Variants in MAPK13 observed in about 807,000 individuals in gnomAD.
MAPK13 encodes the protein mitogen-activated protein kinase 13.
A neutral mutation model predicts 53.5 loss-of-function variants in MAPK13; 39 were observed. The ratio of observed to expected loss-of-function variants is 0.73; its 90% CI spans 0.56 to 0.95. MAPK13 has a LOEUF of 0.95. MAPK13 is among the 40% of genes least tolerant of loss of function. The pLI is 0.00. For missense variants in MAPK13, 460 were observed against 471.8 expected, an observed-to-expected ratio of 0.98 and a Z score of 0.23; for synonymous variants, 179 against 190.9, an observed-to-expected ratio of 0.94 and a Z score of 0.51.
At chr6:36,139,236 G>T (rs1332113015) in intron 11 of MAPK13, 58 bp from the exon 12 acceptor site, 2 of 1,530,120 alleles carry the variant, frequency 1.3e-6, no homozygotes, top group East Asian at 2.3e-5. Flanking sequence ...CTGAAGGGGG[G>T]TGGACTTTCT....
intron 5 of MAPK13, 36 bp downstream of exon 5, chr6:36,136,084 CT>C (rs1230323436): frequency 1.2e-6 from 2 of 1,613,426 alleles, no homozygotes; most frequent in South Asian, 2.2e-5. Context: ...TCAGAGGCCC[CT>C]GTCCCATCCC....
chr6:36,131,258 C>T lies in MAPK13; in HGVS notation c.120-13C>T. On this transcript the variant is annotated splice_polypyrimidine_tract_variant and intron_variant, in intron 1 of 11. Transcript: ENST00000211287. The stretch of plus-strand genomic sequence containing the variant: ...AGGAGAGCCTCGCCTGCTGACCGGC[C>T]TGTGCCCGACAGCTCGGCCATCGAC... The T allele has an allele frequency of 6.2e-7, 1 of 1,609,630 alleles. No homozygotes were observed.
intron 3 of MAPK13, 44 bp from the exon 4 acceptor site, chr6:36,135,709 G>A: frequency 2.1e-6 from 3 of 1,422,264 alleles, no homozygotes; most frequent in Non-Finnish European, 3.0e-6. Context: ...ACCTGGGGCT[G>A]GGTGGGACCC....
rs927589330 is a variant in MAPK13, at chr6:36,140,928, AC to A, written c.*1558del. On this transcript the variant is annotated 3_prime_UTR_variant, in exon 12 of 12. Coordinates refer to ENST00000211287, the MANE Select transcript of MAPK13 (RefSeq NM_002754.5). ...GTAGCTGGGACTACAGGTCTGTGCC[AC>A]CCAGGTGCACCAGGACTGCAGGTGG... 11 of 152,204 alleles carry A rather than the reference AC, an allele frequency of 7.2e-5. No individual in the cohort carries two copies. Among genetic ancestry groups the A allele is most frequent in the African/African-American group, 2.4e-4 (10 of 41,522 alleles). The allele number at this position is 152,204 out of a possible 1,614,324, so 9.4% of individuals were successfully genotyped here.
chr6:36,137,946 G>A (rs540916199), intron 8 of MAPK13, among the ~76,000 whole-genome samples: 4 of 109,102 alleles, frequency 3.7e-5, no homozygotes, highest in Admixed American at 1.2e-4. Flanking sequence ...GTGACAGAGT[G>A]AGACCCTGTC....
At chr6:36,131,200 G>A in intron 1 of MAPK13, 71 bp from the exon 2 acceptor site, 1 of 1,534,020 alleles carries the variant, frequency 6.5e-7, no homozygotes, top group Non-Finnish European at 8.8e-7. Flanking sequence ...CCCAGTGGGA[G>A]GGGTCAGGGC....
At chr6:36,135,446 T>G (rs982176175) in intron 3 of MAPK13, among the ~76,000 whole-genome samples, 1 of 152,010 alleles carries the variant, frequency 6.6e-6, no homozygotes, top group African/African-American at 2.4e-5. Context: ...TTCCCTGGGG[T>G]GTGGAGGAGG....
intron 9 of MAPK13, 89 bp downstream of exon 9, chr6:36,138,533 T>C (rs1218994782): frequency 6.5e-6 from 9 of 1,379,996 alleles, no homozygotes; most frequent in Non-Finnish European, 9.2e-6. Flanking sequence ...GGAAGAAGGC[T>C]CACCAGCACC....
At position 36,132,265 on chromosome 6, in the gene MAPK13, C is replaced by A. The variant is rs576100253; in HGVS notation, c.250-356C>A. On this transcript the variant is annotated intron_variant, in intron 2 of 11. Coordinates refer to ENST00000211287, the MANE Select transcript of MAPK13 (RefSeq NM_002754.5). ...TGAAAAGCTCCTTCTCTGTTCCCTC[C>A]TTTTTCCCTTCCACCCTCCCCTTAT... Among the ~76,000 whole-genome samples the A allele has an allele frequency of 4.6e-5, 7 of 152,298 alleles. 1 individual carries two copies. The South Asian group carries it at 1.4e-3, about 32-fold the overall frequency.
intron 7 of MAPK13, 25 bp downstream of exon 7, chr6:36,136,795 C>T (rs777962835): frequency 2.5e-6 from 4 of 1,611,872 alleles, no homozygotes; most frequent in East Asian, 2.2e-5. Flanking sequence ...CCTGAGAGGG[C>T]GGTCCTGGGG....
rs1296784717 is a variant in MAPK13, at chr6:36,136,883, C to A, written c.615C>A (p.Asp205Glu). The change falls in exon 8 of 12, where the codon GAC becomes GAA. Residue 205 changes from aspartate (D) to glutamate (E), a missense_variant. By Grantham distance (45) the Asp-to-Glu change is conservative (BLOSUM62 2). Coordinates refer to ENST00000211287, the MANE Select transcript of MAPK13 (RefSeq NM_002754.5). ...LSWMHYNQTV[D>E]IWSVGCIMAE... ...ACACTCTCCCTCCCTCTGCAGTGGA[C>A]ATCTGGTCTGTGGGCTGTATCATGG... 1.2e-6 allele frequency: 2 copies of A among 1,614,162 alleles called. No individual in the cohort carries two copies. Among genetic ancestry groups the A allele is most frequent in the African/African-American group, 2.7e-5 (2 of 75,066 alleles).
intron 3 of MAPK13, 64 bp from the exon 4 acceptor site, chr6:36,135,689 C>T: frequency 1.7e-6 from 2 of 1,210,608 alleles, no homozygotes; most frequent in African/African-American, 1.5e-5. Context: ...GGTCCCTCCT[C>T]TGAGCTCTGA....
At chr6:36,136,391 G>C in intron 5 of MAPK13, 93 bp from the exon 6 acceptor site, 1 of 1,084,296 alleles carries the variant, frequency 9.2e-7, no homozygotes, top group South Asian at 1.6e-5. Context: ...AGGGGAAGGG[G>C]CCTGGCTGAG....
chr6:36,139,017 C>A lies in MAPK13; in HGVS notation c.980C>A (p.Ser327Tyr), dbSNP rs1766480104. The change falls in exon 11 of 12, where the codon TCC becomes TAC. Residue 327 changes from serine (S) to tyrosine (Y), a missense_variant. Coordinates refer to ENST00000211287, the MANE Select transcript of MAPK13 (RefSeq NM_002754.5). ...GAGGCCCAGCAGCCGTTTGATGATT[C>A]CTTAGAACACGAGAAACTCACAGTG... ...ETEAQQPFDD[S>Y]LEHEKLTVDE... 1.9e-6 allele frequency: 3 copies of A among 1,610,348 alleles called. No homozygotes were observed. The highest frequency in any genetic ancestry group is 8.5e-7 in the Non-Finnish European group (1 of 1,178,780).
chr6:36,139,016 T>A lies in MAPK13; in HGVS notation c.979T>A (p.Ser327Thr). The A allele has an allele frequency of 6.2e-7, 1 of 1,610,618 alleles. No individual in the cohort carries two copies. The highest frequency in any genetic ancestry group is 8.5e-7 in the Non-Finnish European group (1 of 1,178,976). ...GGAGGCCCAGCAGCCGTTTGATGAT[T>A]CCTTAGAACACGAGAAACTCACAGT... The part of the protein sequence containing the change: ...ETEAQQPFDD[S>T]LEHEKLTVDE... Residue 327 changes from serine to threonine, a missense_variant, in exon 11 of 12, where the codon TCC becomes ACC. Coordinates refer to ENST00000211287, the MANE Select transcript of MAPK13 (RefSeq NM_002754.5).
At chr6:36,138,631 C>A in intron 9 of MAPK13, 71 bp from the exon 10 acceptor site, 1 of 1,491,974 alleles carries the variant, frequency 6.7e-7, no homozygotes, top group Non-Finnish European at 9.3e-7. Flanking sequence ...TGCTCTGAGG[C>A]TTTTCTGAAA....
In MAPK13 at chr6:36,141,342, A is replaced by C. The variant is rs1766528057; in HGVS notation, c.*1969A>C. 6.6e-6 allele frequency: 1 copy of C among 152,204 alleles called. No homozygotes were observed. Among genetic ancestry groups the C allele is most frequent in the Admixed American group, 6.5e-5 (1 of 15,278 alleles). The allele number at this position is 152,204 out of a possible 1,614,324, so 9.4% of individuals were successfully genotyped here. ...GAGAGAAGGGGAGGAAGTAGGTGGG[A>C]ACCTCTATACTTTCTACCAACCTAA... On this transcript the variant is annotated 3_prime_UTR_variant, in exon 12 of 12. Coordinates refer to ENST00000211287, the MANE Select transcript of MAPK13 (RefSeq NM_002754.5).
At chr6:36,131,423 A>G (rs1581878605) in intron 2 of MAPK13, 23 bp downstream of exon 2, 10 of 1,595,780 alleles carry the variant, frequency 6.3e-6, no homozygotes, top group Middle Eastern at 1.7e-4. Flanking sequence ...TGCCCCGGGG[A>G]GGGGGTGGGG....
intron 5 of MAPK13, 32 bp downstream of exon 5, chr6:36,136,080 G>GC (rs548276564): frequency 2.4e-5 from 38 of 1,613,494 alleles, no homozygotes; most frequent in Non-Finnish European, 3.1e-5. Flanking sequence ...GTCCTCAGAG[G>GC]CCCCTGTCCC....
Sources: gnomAD v4.1 joint callset for allele counts (sites outside exome capture counted in the v4.1 genomes callset) on GRCh38, gnomAD v4.1.1 for gene constraint, MANE v1.5 for transcripts, NCBI Gene and HGNC (gene_info 2026-07-23, HGNC 2026-07-21) for gene names.